Variants in EIF1AX observed in about 807,000 individuals in gnomAD.
EIF1AX encodes the protein eukaryotic translation initiation factor 1A, X-chromosomal.
Under a neutral mutation model 16.1 loss-of-function variants are expected in EIF1AX, and 1 was observed. The observed-to-expected ratio is 0.06, with a 90% CI of 0.02 to 0.30. The LOEUF (loss-of-function observed/expected upper bound fraction) is 0.30. Ranked by LOEUF, EIF1AX falls within the 10% of genes least tolerant of loss-of-function variation. The pLI is 1.00. For synonymous variants in EIF1AX, 32 were observed against 37.3 expected (o/e 0.86, Z 0.51); for missense variants, 11 against 109.1 (o/e 0.10, Z 4.00).
rs10284116 is a variant in EIF1AX, at chrX:20,140,695, C to T, written c.16+930G>A. ...ATGAATAATCAAAGGAGACTACTTA[C>T]GGACTATGAAGTATGCTCCTCTCCT... On this transcript the variant is annotated intron_variant, in intron 1 of 6. Coordinates refer to ENST00000379607, the MANE Select transcript of EIF1AX (RefSeq NM_001412.4). 4.3e-3 allele frequency among the ~76,000 whole-genome samples: 478 copies of T among 111,966 alleles called. 4 individuals carry two copies. Among genetic ancestry groups the T allele is most frequent in the African/African-American group, 0.015 (459 of 30,821 alleles).
chrX:20,128,391 T>C, intron 6 of EIF1AX, 80 bp from the exon 7 acceptor site: 1 of 856,938 alleles, frequency 1.2e-6, no homozygotes, highest in Non-Finnish European at 1.7e-6. Context: ...AAGGGAGACT[T>C]TCACCTCCTT....
At chrX:20,128,429 G>A in intron 6 of EIF1AX, 118 bp from the exon 7 acceptor site, 1 of 551,498 alleles carries the variant, frequency 1.8e-6, no homozygotes, top group Non-Finnish European at 2.8e-6. Context: ...AATCCAGTTT[G>A]AAGAAGAAAT....
chrX:20,136,361 G>C (rs1188869964), intron 2 of EIF1AX: 1 of 335,949 alleles, frequency 3.0e-6, no homozygotes, highest in South Asian at 2.9e-5. Context: ...CTGATGCTCA[G>C]ATTTGGCTAG....
chrX:20,138,768 T>TCCCAAC (rs2067025390), intron 1 of EIF1AX, 146 bp from the exon 2 acceptor site: 7 of 415,380 alleles, frequency 1.7e-5, no homozygotes, highest in African/African-American at 1.3e-4. Context: ...TACACAATCA[T>TCCCAAC]ATTAAATTTA....
chrX:20,133,766 G>A (rs766258099), intron 4 of EIF1AX, among the ~76,000 whole-genome samples, 191 bp downstream of exon 4: 1 of 111,810 alleles, frequency 8.9e-6, no homozygotes, highest in African/African-American at 3.2e-5. Context: ...CCACTACCAG[G>A]CTATGAGCCT....
At chrX:20,137,339 G>C (rs2067020326) in intron 2 of EIF1AX, among the ~76,000 whole-genome samples, 1 of 111,110 alleles carries the variant, frequency 9.0e-6, no homozygotes. Flanking sequence ...CCAGCTACTT[G>C]GGAGGCTGAG....
chrX:20,141,140 C>G (rs751137986), intron 1 of EIF1AX, among the ~76,000 whole-genome samples: 1 of 111,880 alleles, frequency 8.9e-6, no homozygotes, highest in East Asian at 2.8e-4. Context: ...TCACAAGGGA[C>G]AGCGAGTAGC....
At chrX:20,137,467 C>T (rs61233468) in intron 2 of EIF1AX, among the ~76,000 whole-genome samples, 7,687 of 110,422 alleles carry the variant, frequency 0.07, 486 homozygotes, top group African/African-American at 0.2. Flanking sequence ...TAAAAAATCC[C>T]ACATATATAT....
rs2066983440 is a variant in EIF1AX at position 20,125,789 on chromosome X, A to C, written c.*2517T>G. 6.3e-6 allele frequency: 1 copy of C among 157,782 alleles called. No individual in the cohort carries two copies. The highest frequency in any genetic ancestry group is 3.2e-4 in the South Asian group (1 of 3,103). The allele number at this position is 157,782 out of a possible 1,213,427, so 13.0% of individuals were successfully genotyped here. A position where few individuals can be genotyped will look rare whatever the true frequency, so the allele number is the denominator to read the frequency against. On this transcript the variant is annotated 3_prime_UTR_variant, in exon 7 of 7. Transcript: ENST00000379607. Reference sequence around the variant, plus strand: ...AAATTACAAGTCACAAAGAGTTTGTAAGCAAACATTTATAGCCATGATTCC... The same window carrying C: ...AAATTACAAGTCACAAAGAGTTTGTCAGCAAACATTTATAGCCATGATTCC...
chrX:20,128,479 C>G (rs755386144), intron 6 of EIF1AX, among the ~76,000 whole-genome samples, 168 bp from the exon 7 acceptor site: 2 of 112,196 alleles, frequency 1.8e-5, no homozygotes, highest in Non-Finnish European at 3.8e-5. Context: ...TCGTGATGAT[C>G]TCCTTTGTAA....
intron 1 of EIF1AX, among the ~76,000 whole-genome samples, chrX:20,140,908 C>T (rs1341450395): frequency 9.2e-6 from 1 of 109,176 alleles, no homozygotes; most frequent in Non-Finnish European, 1.9e-5. Flanking sequence ...TAAAGTTATC[C>T]TCAAGTCTGA....
chrX:20,135,041 C>T (rs1463345529), intron 3 of EIF1AX, among the ~76,000 whole-genome samples: 1 of 110,777 alleles, frequency 9.0e-6, no homozygotes, highest in African/African-American at 3.3e-5. Context: ...CAAGGGCAAC[C>T]TACTCCATTT....
chrX:20,137,172 C>T (rs941387628), intron 2 of EIF1AX, among the ~76,000 whole-genome samples: 1 of 111,873 alleles, frequency 8.9e-6, no homozygotes, highest in African/African-American at 3.3e-5. Flanking sequence ...GGGCTAGGTG[C>T]GGTGGCTCAC....
intron 1 of EIF1AX, 131 bp downstream of exon 1, chrX:20,141,494 G>A (rs1652191585): frequency 1.3e-6 from 1 of 785,308 alleles, no homozygotes; most frequent in African/African-American, 2.2e-5. Flanking sequence ...CGCGTGTGGG[G>A]CGCCCAGCCG....
At chrX:20,129,169 C>T (rs1404189980) in intron 6 of EIF1AX, among the ~76,000 whole-genome samples, 1 of 111,839 alleles carries the variant, frequency 8.9e-6, no homozygotes, top group Non-Finnish European at 1.9e-5. Flanking sequence ...TTTTTGTGTA[C>T]ATGTTAAAAT....
intron 3 of EIF1AX, among the ~76,000 whole-genome samples, chrX:20,134,470 G>A (rs2067010009): frequency 8.9e-6 from 1 of 111,880 alleles, no homozygotes; most frequent in Non-Finnish European, 1.9e-5. Flanking sequence ...TGGCATTGTG[G>A]CTCACGCCTA....
chrX:20,141,448 G>C (rs903342530), intron 1 of EIF1AX, among the ~76,000 whole-genome samples, 177 bp downstream of exon 1: 6 of 111,701 alleles, frequency 5.4e-5, no homozygotes, highest in Non-Finnish European at 9.4e-5. Context: ...TGGGCAACAG[G>C]AGTTAACTTC....
intron 4 of EIF1AX, among the ~76,000 whole-genome samples, chrX:20,133,511 G>GT (rs61391912): frequency 1.3e-3 from 129 of 101,762 alleles, no homozygotes; most frequent in South Asian, 3.0e-3. Context: ...TTTATTCTGG[G>GT]TTTTTTTTTT....
intron 4 of EIF1AX, among the ~76,000 whole-genome samples, chrX:20,133,670 T>A (rs1447774741): frequency 9.0e-6 from 1 of 111,466 alleles, no homozygotes; most frequent in Non-Finnish European, 1.9e-5. Context: ...ACCACCACTT[T>A]CTTTCTTTCC....
Sources: gnomAD v4.1 joint callset for allele counts (sites outside exome capture counted in the v4.1 genomes callset) on GRCh38, gnomAD v4.1.1 for gene constraint, MANE v1.5 for transcripts, NCBI Gene and HGNC (gene_info 2026-07-23, HGNC 2026-07-21) for gene names.